Variants in ATN1 observed in about 807,000 individuals in gnomAD.
ATN1 encodes atrophin 1.
ATN1 carries 19 observed loss-of-function variants against 85.8 expected under a neutral mutation model. The observed-to-expected ratio is 0.22, with a 90% CI of 0.15 to 0.32. The LOEUF (loss-of-function observed/expected upper bound fraction) is 0.32, where lower values mean the gene tolerates loss of function less well. Among genes scored for constraint, ATN1 ranks in the 10% least tolerant of loss-of-function variants. The pLI is 1.00. For synonymous variants in ATN1, 674 were observed against 657.0 expected (o/e 1.03, Z -0.39); for missense variants, 1,453 against 1,564.5 (o/e 0.93, Z 1.20).
At position 6,941,133 on chromosome 12, in the gene ATN1, A is replaced by C. The variant is rs933394809; in HGVS notation, c.3358+110A>C. The C allele has an allele frequency of 2.1e-6, 3 of 1,408,544 alleles. No homozygotes were observed. Among genetic ancestry groups the C allele is most frequent in the South Asian group, 2.7e-5 (2 of 74,884 alleles). The allele number at this position is 1,408,544 out of a possible 1,614,324, so 87.3% of individuals were successfully genotyped here. A position where few individuals can be genotyped will look rare whatever the true frequency, so the allele number is the denominator to read the frequency against. Reference sequence around the variant, plus strand: ...CTTGGGGAGGGATGAGGAGGTGCCTAGAGGAGCTGGGCATGGGAATAGGAG... The same window carrying C: ...CTTGGGGAGGGATGAGGAGGTGCCTCGAGGAGCTGGGCATGGGAATAGGAG... On this transcript the variant is annotated intron_variant, in intron 8 of 9. Transcript: ENST00000396684. The surrounding 1 kb of genome is among the most constrained non-coding windows in gnomAD (Gnocchi z 5.9).
At position 6,936,076 on chromosome 12, in the gene ATN1, C is replaced by T. The variant is rs1945528315; in HGVS notation, c.809C>T (p.Ala270Val). 6.5e-7 allele frequency: 1 copy of T among 1,534,678 alleles called. No individual in the cohort carries two copies. The highest frequency in any genetic ancestry group is 8.8e-7 in the Non-Finnish European group (1 of 1,141,980). Residue 270 changes from alanine to valine, a missense_variant, in exon 5 of 10, where the codon GCT becomes GTT. By Grantham distance (64) the Ala-to-Val change is moderately conservative. Around this residue, in one of 6 missense-constraint regions of ATN1, gnomAD observed 990 missense variants for 914.8 expected, o/e 1.08. Transcript: ENST00000396684. ...ISVSSSGASG[A>V]PPTKPPTTPV... ...GTATCAAGCTCTGGGGCTAGTGGTGCTCCCCCAACAAAGCCGCCTACCACT... is the reference window on the plus strand; with the variant it reads ...GTATCAAGCTCTGGGGCTAGTGGTGTTCCCCCAACAAAGCCGCCTACCACT...
At position 6,938,855 on chromosome 12, in the gene ATN1, T is replaced by G; in HGVS notation, c.2892T>G (p.Pro964=). The G allele has an allele frequency of 6.2e-7, 1 of 1,614,128 alleles. No individual in the cohort carries two copies. The highest frequency in any genetic ancestry group is 1.1e-5 in the South Asian group (1 of 91,084). ...AGCTGGAACCCCTACATGGGGTCCC[T>G]GGGCCGGGCTTGGATCCCTTTCCCC... is the stretch of plus-strand genomic sequence containing the variant. ...PSELEPLHGV[P]GPGLDPFPRH... is the part of the protein sequence containing the mutation. The change falls in exon 7 of 10, where the codon CCT becomes CCG. Residue 964 remains proline, a synonymous_variant. Coordinates refer to ENST00000396684, the MANE Select transcript of ATN1 (RefSeq NM_001940.4).
Position 6,938,960 on chromosome 12 carries a change from G to A in ATN1, c.2997G>A (p.Glu999=). 6.2e-7 allele frequency: 1 copy of A among 1,613,748 alleles called. No individual in the cohort carries two copies. Among genetic ancestry groups the A allele is most frequent in the Non-Finnish European group, 8.5e-7 (1 of 1,179,982 alleles). ...TTCATCCGAGCCTGGGGCCCCTGGA[G>A]CGAGAACGTCTAGCGCTGGCAGCTG... ...FPFHPSLGPL[E]RERLALAAGP... is the part of the protein sequence containing the mutation. Residue 999 remains glutamate, a synonymous_variant, in exon 7 of 10, where the codon GAG becomes GAA. Coordinates refer to ENST00000396684, the MANE Select transcript of ATN1 (RefSeq NM_001940.4).
Position 6,938,933 on chromosome 12 carries a change from C to T in ATN1, c.2970C>T (p.Pro990=), listed in dbSNP as rs1555144300. 6.2e-7 allele frequency: 1 copy of T among 1,614,028 alleles called. No homozygotes were observed. The highest frequency in any genetic ancestry group is 2.2e-5 in the East Asian group (1 of 44,888). Residue 990 remains proline (P), a synonymous_variant, in exon 7 of 10, where the codon CCC becomes CCT. Transcript: ENST00000396684. Reference sequence around the variant, plus strand: ...GCCCACCTGGCCTGCACCCTTTCCCCTTTCATCCGAGCCTGGGGCCCCTGG... The same window carrying T: ...GCCCACCTGGCCTGCACCCTTTCCCTTTTCATCCGAGCCTGGGGCCCCTGG... ...QPGPPGLHPF[P]FHPSLGPLER...
At chr12:6,929,088 CAT>C (rs1287412096) in intron 1 of ATN1, among the ~76,000 whole-genome samples, 1 of 152,158 alleles carries the variant, frequency 6.6e-6, no homozygotes, top group African/African-American at 2.4e-5. Context: ...CTATCCCAGA[CAT>C]AGTTATTTCT....
At position 6,937,445 on chromosome 12, in the gene ATN1, C is replaced by A; in HGVS notation, c.2178C>A (p.Ile726=). Residue 726 remains isoleucine, a synonymous_variant, in exon 5 of 10, where the codon ATC becomes ATA. Transcript: ENST00000396684. The surrounding 1 kb of genome is among the most constrained non-coding windows in gnomAD (Gnocchi z 6.0). ...ASGPPLSATQ[I]KQEPAEEYET... ...GGCCGCCCCTGAGCGCCACGCAGAT[C>A]AAACAGGAGCCGGCTGAGGAGTATG... The A allele has an allele frequency of 6.5e-7, 1 of 1,547,426 alleles. No individual in the cohort carries two copies. Among genetic ancestry groups the A allele is most frequent in the Non-Finnish European group, 8.7e-7 (1 of 1,147,300 alleles).
chr12:6,925,260 C>T (rs1555142488), upstream of ATN1, among the ~76,000 whole-genome samples: 1 of 152,018 alleles, frequency 6.6e-6, no homozygotes, highest in African/African-American at 2.4e-5. Context: ...CCCCTATCCC[C>T]ACATATGCCT....
Position 6,934,040 on chromosome 12 carries a change from TGA to T in ATN1, c.27+17_27+18del, listed in dbSNP as rs782409394. ...AGAATAAAGACTCGGTGAGTTAAAA[TGA>T]GAGACATGAAAGATGAGGGGCGGGG... is the stretch of plus-strand genomic sequence containing the variant. On this transcript the variant is annotated intron_variant, in intron 2 of 9. Coordinates refer to ENST00000396684, the MANE Select transcript of ATN1 (RefSeq NM_001940.4). This position sits in a 1 kb window ranked among gnomAD's most constrained non-coding sequence, Gnocchi z 4.5. 6.2e-7 allele frequency: 1 copy of T among 1,609,128 alleles called. No homozygotes were observed. The highest frequency in any genetic ancestry group is 8.5e-7 in the Non-Finnish European group (1 of 1,177,942).
upstream of ATN1, among the ~76,000 whole-genome samples, chr12:6,924,927 CTG>C (rs1555142437): frequency 6.6e-6 from 1 of 152,172 alleles, no homozygotes; most frequent in Non-Finnish European, 1.5e-5. Flanking sequence ...GTCGCCTTCT[CTG>C]ACAGTCTGGC....
In ATN1 at chr12:6,937,802, C is replaced by G; in HGVS notation, c.2295-43C>G. The G allele has an allele frequency of 6.6e-7, 1 of 1,510,960 alleles. No homozygotes were observed. Among genetic ancestry groups the G allele is most frequent in the South Asian group, 1.3e-5 (1 of 78,880 alleles). 93.6% of individuals were successfully genotyped at this position (1,510,960 alleles called of 1,614,324 possible). A position where few individuals can be genotyped will look rare whatever the true frequency, so the allele number is the denominator to read the frequency against. On this transcript the variant is annotated intron_variant, in intron 5 of 9. Coordinates refer to ENST00000396684, the MANE Select transcript of ATN1 (RefSeq NM_001940.4). This position sits in a 1 kb window ranked among gnomAD's most constrained non-coding sequence, Gnocchi z 6.0. ...CCGCGGCGCTGCGGGCTCCATCGGG[C>G]AGCTCGCACCGCCTGAGCGCCCGCT...
chr12:6,936,912 C>T lies in ATN1; in HGVS notation c.1645C>T (p.Leu549=), dbSNP rs1555143831. 2 of 1,613,972 alleles carry T rather than the reference C, an allele frequency of 1.2e-6. No individual in the cohort carries two copies. Among genetic ancestry groups the T allele is most frequent in the Non-Finnish European group, 1.7e-6 (2 of 1,180,010 alleles). The stretch of plus-strand genomic sequence containing the variant: ...GCCCTACCCACCAGGGCCAGCACAC[C>T]TGCCCCCACCTCACAGCCAGGTGTC... ...LRPYPPGPAH[L]PPPHSQVSYS... Residue 549 remains leucine, a synonymous_variant, in exon 5 of 10, where the codon CTG becomes TTG. Transcript: ENST00000396684.
upstream of ATN1, among the ~76,000 whole-genome samples, chr12:6,925,117 C>CGTGTGTGTGTGTGTGTGTGT (rs376981297): frequency 2.2e-4 from 31 of 143,818 alleles, no homozygotes; most frequent in African/African-American, 7.8e-4. Flanking sequence ...TGTGCGTGTG[C>CGTGTGTGTGTGTGTGTGTGT]GTGTGTGTGT....
rs201288072 is a variant in ATN1, at chr12:6,941,737, C to T, written c.3540-10C>T. ...TCTTACCTCTCTGCTATGCACTGCC[C>T]CTTCCCTAGTCACCTGAAGAAGGAA... On this transcript the variant is annotated splice_polypyrimidine_tract_variant and intron_variant, in intron 9 of 9. Transcript: ENST00000396684. This position sits in a 1 kb window ranked among gnomAD's most constrained non-coding sequence, Gnocchi z 5.9. 1.2e-6 allele frequency: 2 copies of T among 1,613,818 alleles called. No homozygotes were observed. Among genetic ancestry groups the T allele is most frequent in the African/African-American group, 1.3e-5 (1 of 74,916 alleles).
chr12:6,939,081 G>A lies in ATN1; in HGVS notation c.3118G>A (p.Ala1040Thr), dbSNP rs1348722702. Residue 1040 changes from alanine to threonine, a missense_variant, in exon 7 of 10, where the codon GCC (alanine) becomes ACC (threonine). Transcript: ENST00000396684. ...GGCGGCCCTGGGCAATGACCCACTG[G>A]CCCGGCTGCAGATGCTCAATGTGAC... ...RVAALGNDPL[A>T]RLQMLNVTPH... is the part of the protein sequence containing the mutation. 6.2e-7 allele frequency: 1 copy of A among 1,603,200 alleles called. No homozygotes were observed. Among genetic ancestry groups the A allele is most frequent in the Admixed American group, 1.7e-5 (1 of 60,006 alleles).
At chr12:6,924,727 C>G (rs1945379554), upstream of ATN1, among the ~76,000 whole-genome samples, 1 of 151,530 alleles carries the variant, frequency 6.6e-6, no homozygotes, top group Non-Finnish European at 1.5e-5. Flanking sequence ...GTGGGCATCT[C>G]ATCTTTCCCT....
Position 6,941,140 on chromosome 12 carries a change from C to G in ATN1, c.3358+117C>G, listed in dbSNP as rs1288387087. 2 of 1,372,850 alleles carry G rather than the reference C, an allele frequency of 1.5e-6. No homozygotes were observed. The highest frequency in any genetic ancestry group is 1.4e-5 in the African/African-American group (1 of 69,396). 85.0% of individuals were successfully genotyped at this position (1,372,850 alleles called of 1,614,324 possible). A position where few individuals can be genotyped will look rare whatever the true frequency, so the allele number is the denominator to read the frequency against. On this transcript the variant is annotated intron_variant, in intron 8 of 9. Transcript: ENST00000396684. The surrounding 1 kb of genome is among the most constrained non-coding windows in gnomAD (Gnocchi z 5.9). ...AGGGATGAGGAGGTGCCTAGAGGAG[C>G]TGGGCATGGGAATAGGAGAGCTGGA...
At position 6,937,446 on chromosome 12, in the gene ATN1, A is replaced by G; in HGVS notation, c.2179A>G (p.Lys727Glu). The G allele has an allele frequency of 1.3e-6, 2 of 1,546,718 alleles. No individual in the cohort carries two copies. Among genetic ancestry groups the G allele is most frequent in the Non-Finnish European group, 1.7e-6 (2 of 1,147,084 alleles). ...GCCGCCCCTGAGCGCCACGCAGATCAAACAGGAGCCGGCTGAGGAGTATGA... is the reference window on the plus strand; with the variant it reads ...GCCGCCCCTGAGCGCCACGCAGATCGAACAGGAGCCGGCTGAGGAGTATGA... ...SGPPLSATQI[K>E]QEPAEEYETP... The change falls in exon 5 of 10, where the codon AAA becomes GAA. Residue 727 changes from lysine to glutamate, a missense_variant. Lys to Glu is a moderately conservative substitution (Grantham distance 56, BLOSUM62 1). Around this residue, in one of 6 missense-constraint regions of ATN1, gnomAD observed 990 missense variants for 914.8 expected, o/e 1.08. Coordinates refer to ENST00000396684, the MANE Select transcript of ATN1 (RefSeq NM_001940.4). This position sits in a 1 kb window ranked among gnomAD's most constrained non-coding sequence, Gnocchi z 6.0.
chr12:6,925,559 CTG>C (rs782036653), upstream of ATN1, among the ~76,000 whole-genome samples: 4 of 152,198 alleles, frequency 2.6e-5, no homozygotes, highest in South Asian at 8.3e-4. Flanking sequence ...CAGGGAGGCC[CTG>C]GGAGGAAGGT....
Position 6,941,685 on chromosome 12 carries a change from G to A in ATN1, c.3540-62G>A. The A allele has an allele frequency of 6.3e-7, 1 of 1,598,298 alleles. No homozygotes were observed. The highest frequency in any genetic ancestry group is 1.1e-5 in the South Asian group (1 of 90,756). On this transcript the variant is annotated intron_variant, in intron 9 of 9. Coordinates refer to ENST00000396684, the MANE Select transcript of ATN1 (RefSeq NM_001940.4). The surrounding 1 kb of genome is among the most constrained non-coding windows in gnomAD (Gnocchi z 5.9). ...CTCTCCCAACCCCTTCGGTAAGAGG[G>A]GGCAAGGTCAGAGTTGGTCTCAAGT...
Sources: allele counts gnomAD v4.1 joint callset (sites outside exome capture counted in the v4.1 genomes callset), GRCh38; gene constraint gnomAD v4.1.1; regional missense constraint gnomAD v4.1.1; non-coding constraint Gnocchi (gnomAD v3.1); transcripts MANE v1.5; gene names NCBI Gene and HGNC (gene_info 2026-07-23, HGNC 2026-07-21).